The following TMEM114 variants were observed in gnomAD, a reference collection of about 807,000 sequenced individuals.
TMEM114 encodes transmembrane protein 114.
Under a neutral mutation model 6.2 loss-of-function variants are expected in TMEM114, and 6 were observed. That is an observed-to-expected ratio of 0.97 (90% CI 0.53 to 1.91). The LOEUF is 1.91. Ranked by LOEUF, TMEM114 falls within the 40% of genes most tolerant of loss-of-function variation. The pLI is 0.01. For missense variants in TMEM114, 218 were observed against 158.3 expected (o/e 1.38, Z -2.02); for synonymous variants, 104 against 73.0 (o/e 1.42, Z -2.16).
At chr16:8,537,056 A>G (rs999289132), downstream of TMEM114, among the ~76,000 whole-genome samples, 2 of 152,144 alleles carry the variant, frequency 1.3e-5, no homozygotes, top group Admixed American at 6.5e-5. Context: ...AAATTTAAGA[A>G]TTAGCTGGAC....
chr16:8,550,438 T>C (rs1279752124), intron 2 of TMEM114, among the ~76,000 whole-genome samples: 1 of 151,946 alleles, frequency 6.6e-6, no homozygotes, highest in African/African-American at 2.4e-5. Context: ...TCCAGCACTT[T>C]GGGAGGCCAA....
intron 2 of TMEM114, among the ~76,000 whole-genome samples, chr16:8,559,617 C>G (rs959356962): frequency 2.0e-5 from 3 of 152,210 alleles, no homozygotes; most frequent in East Asian, 1.9e-4. Flanking sequence ...CGTTGTTTCT[C>G]TTGTGGGCTC....
chr16:8,572,895 G>C (rs189225907), intron 2 of TMEM114, among the ~76,000 whole-genome samples: 1 of 152,320 alleles, frequency 6.6e-6, no homozygotes, highest in African/African-American at 2.4e-5. Context: ...GGGACCTTAA[G>C]AGATCTAAAA....
chr16:8,576,808 T>A (rs779624870), intron 2 of TMEM114, among the ~76,000 whole-genome samples: 1 of 152,106 alleles, frequency 6.6e-6, no homozygotes, highest in Admixed American at 6.5e-5. Flanking sequence ...TGCTTTATTT[T>A]GGGATGGGTA....
intron 2 of TMEM114, among the ~76,000 whole-genome samples, chr16:8,542,904 A>G (rs1900556642): frequency 1.3e-5 from 2 of 152,298 alleles, no homozygotes; most frequent in South Asian, 4.1e-4. Context: ...ATGGAGATTA[A>G]TCACAGAATA....
At chr16:8,573,976 T>C (rs1214646303) in intron 2 of TMEM114, among the ~76,000 whole-genome samples, 2 of 152,190 alleles carry the variant, frequency 1.3e-5, no homozygotes, top group East Asian at 1.9e-4. Flanking sequence ...TGAAGAGATA[T>C]GTGTTGACAA....
At chr16:8,527,543 AT>A in the TMEM114 span, among the ~76,000 whole-genome samples, 2 of 151,856 alleles carry the variant, frequency 1.3e-5, no homozygotes, top group Admixed American at 6.6e-5. Flanking sequence ...CTGTAGTAAG[AT>A]TTTTTTTAAT....
chr16:8,589,065 A>C, intron 2 of TMEM114, 148 bp downstream of exon 2: 1 of 392,386 alleles, frequency 2.5e-6, no homozygotes, highest in Non-Finnish European at 4.5e-6. Context: ...CCCCGGTCTT[A>C]AGCCCACTCC....
At chr16:8,555,507 G>T (rs1298521809) in intron 2 of TMEM114, among the ~76,000 whole-genome samples, 1 of 152,178 alleles carries the variant, frequency 6.6e-6, no homozygotes, top group African/African-American at 2.4e-5. Flanking sequence ...AAGGCAAGGG[G>T]CAGTAATTTC....
chr16:8,545,678 A>C (rs1156781704), intron 2 of TMEM114, among the ~76,000 whole-genome samples: 1 of 152,214 alleles, frequency 6.6e-6, no homozygotes, highest in African/African-American at 2.4e-5. Context: ...AATGAGGCTG[A>C]TGCTGCTGAT....
chr16:8,568,402 G>C (rs984798514), downstream of TMEM114, among the ~76,000 whole-genome samples: 1 of 151,992 alleles, frequency 6.6e-6, no homozygotes, highest in East Asian at 1.9e-4. Context: ...TGACAATGCT[G>C]ATGTCATGGT....
intron 2 of TMEM114, among the ~76,000 whole-genome samples, chr16:8,573,202 G>T (rs1320896696): frequency 2.0e-5 from 3 of 152,174 alleles, no homozygotes; most frequent in South Asian, 2.1e-4. Flanking sequence ...CGGGGACACT[G>T]TTAATCTCAG....
At chr16:8,560,877 A>T (rs1901176290) in intron 2 of TMEM114, among the ~76,000 whole-genome samples, 1 of 152,186 alleles carries the variant, frequency 6.6e-6, no homozygotes, top group Non-Finnish European at 1.5e-5. Flanking sequence ...TGGGTAAATT[A>T]TAAAGAAAAA....
At chr16:8,572,045 C>T in intron 3 of TMEM114, 42 bp downstream of exon 3, 3 of 1,488,178 alleles carry the variant, frequency 2.0e-6, no homozygotes, top group African/African-American at 2.8e-5. Flanking sequence ...TTGCCCAACC[C>T]CCAGACCACA....
At chr16:8,526,814 G>A in the TMEM114 span, 6 of 152,212 alleles carry the variant, frequency 3.9e-5, no homozygotes, top group African/African-American at 1.2e-4. Flanking sequence ...CCCATCCCCT[G>A]GTCTACAAGA....
In TMEM114 at chr16:8,564,061, ATGAGTGAGTGAGTGCATGAATGAG is replaced by A. The variant is rs1403422699; in HGVS notation, n.212+25128_212+25151del. Among the ~76,000 whole-genome samples, 729 of 147,928 alleles carry A rather than the reference ATGAGTGAGTGAGTGCATGAATGAG, an allele frequency of 4.9e-3. 50 individuals are homozygous for A. The highest frequency in any genetic ancestry group is 0.017 in the African/African-American group (679 of 38,998). ...ACTGAATGAGTGAGTGAATGAGTAA[ATGAGTGAGTGAGTGCATGAATGAG>A]TGAGTGAGTGAATGAGTGAGGAAAT... On this transcript the variant is annotated intron_variant and non_coding_transcript_variant, in intron 2 of 2. Transcript: ENST00000623677.
At chr16:8,571,158 TACAG>T (rs1901722074) in intron 3 of TMEM114, among the ~76,000 whole-genome samples, 1 of 151,142 alleles carries the variant, frequency 6.6e-6, no homozygotes, top group East Asian at 1.9e-4. Context: ...TACACAGGGA[TACAG>T]ACAGCCTTTA....
chr16:8,563,581 G>GTAAC (rs1342075046), intron 2 of TMEM114, among the ~76,000 whole-genome samples: 3 of 147,544 alleles, frequency 2.0e-5, no homozygotes, highest in Non-Finnish European at 3.0e-5. Flanking sequence ...GAGGAAATGA[G>GTAAC]TGAGTGAATG....
At chr16:8,556,563 G>C (rs1037129652) in intron 2 of TMEM114, among the ~76,000 whole-genome samples, 12 of 152,080 alleles carry the variant, frequency 7.9e-5, no homozygotes, top group African/African-American at 2.9e-4. Flanking sequence ...GTGCAATGGC[G>C]TGATCTTGGC....
Sources: gnomAD v4.1 joint callset for allele counts (sites outside exome capture counted in the v4.1 genomes callset) on GRCh38, gnomAD v4.1.1 for gene constraint, MANE v1.5 for transcripts, NCBI Gene and HGNC (gene_info 2026-07-23, HGNC 2026-07-21) for gene names.